Variants in LTA4H observed in about 807,000 individuals in gnomAD.
LTA4H encodes leukotriene A4 hydrolase.
LTA4H carries 59 observed loss-of-function variants against 89.8 expected under a neutral mutation model. The observed-to-expected ratio is 0.66, with a 90% CI of 0.53 to 0.82. LTA4H has a LOEUF of 0.82. Ranked by LOEUF, LTA4H falls within the 40% of genes least tolerant of loss-of-function variation. The probability of loss-of-function intolerance (pLI) is 0.00; values close to 1 mark genes in which losing one functional copy is unlikely to be tolerated. For synonymous variants in LTA4H, 227 were observed against 253.1 expected (o/e 0.90, Z 0.98); for missense variants, 617 against 727.0 (o/e 0.85, Z 1.74).
At chr12:96,019,922 A>G (rs1486586115) in intron 6 of LTA4H, among the ~76,000 whole-genome samples, 1 of 143,110 alleles carries the variant, frequency 7.0e-6, no homozygotes, top group East Asian at 2.0e-4. Context: ...TTTTTTTTAA[A>G]TATACAGGGT....
chr12:96,013,868 G>T lies in LTA4H; in HGVS notation c.1205-15C>A. ...TAGGAAAATCTCTAAGAGTAAAAAAGAAAAGAAATCAATTCATAGAAAGGT... is the reference window on the plus strand; with the variant it reads ...TAGGAAAATCTCTAAGAGTAAAAAATAAAAGAAATCAATTCATAGAAAGGT... On this transcript the variant is annotated splice_polypyrimidine_tract_variant and intron_variant, in intron 12 of 18. Coordinates refer to ENST00000228740, the MANE Select transcript of LTA4H (RefSeq NM_000895.3). The T allele has an allele frequency of 8.7e-7, 1 of 1,145,756 alleles. No homozygotes were observed. Among genetic ancestry groups the T allele is most frequent in the Non-Finnish European group, 1.3e-6 (1 of 777,818 alleles). The allele number at this position is 1,145,756 out of a possible 1,614,324, so 71.0% of individuals were successfully genotyped here. A position where few individuals can be genotyped will look rare whatever the true frequency, so the allele number is the denominator to read the frequency against.
At chr12:96,040,152 G>T (rs1950677532), upstream of LTA4H, among the ~76,000 whole-genome samples, 1 of 152,202 alleles carries the variant, frequency 6.6e-6, no homozygotes, top group African/African-American at 2.4e-5. Context: ...GGGAGTGGGA[G>T]GTGGGCAGAT....
At chr12:96,004,105 G>A (rs1265096098) in intron 16 of LTA4H, 185 bp from the exon 17 acceptor site, 2 of 376,000 alleles carry the variant, frequency 5.3e-6, no homozygotes, top group Non-Finnish European at 9.5e-6. Context: ...TTCCAGATGA[G>A]GATATTCTAC....
chr12:96,015,730 A>T, intron 10 of LTA4H, 36 bp from the exon 11 acceptor site: 1 of 1,254,746 alleles, frequency 8.0e-7, no homozygotes, highest in Non-Finnish European at 1.2e-6. Flanking sequence ...ACACGGACAC[A>T]GCTGAGAAGA....
In LTA4H at chr12:96,018,835, C is replaced by T. The variant is rs1316979963; in HGVS notation, c.780G>A (p.Leu260=). Residue 260 remains leucine (L), a synonymous_variant, in exon 8 of 19, where the codon TTG becomes TTA. Coordinates refer to ENST00000228740, the MANE Select transcript of LTA4H (RefSeq NM_000895.3). ...CATAAGGGAAGGATGGTGGCAGGAC[C>T]AATAGGTCATACTGTCCCCATACAT... ...GPYVWGQYDL[L]VLPPSFPYGG... 1 of 1,604,504 alleles carries T rather than the reference C, an allele frequency of 6.2e-7. No individual in the cohort carries two copies. The highest frequency in any genetic ancestry group is 8.5e-7 in the Non-Finnish European group (1 of 1,176,894).
At chr12:96,009,062 A>C (rs1266005894) in intron 15 of LTA4H, 32 bp downstream of exon 15, 1 of 1,515,368 alleles carries the variant, frequency 6.6e-7, no homozygotes, top group African/African-American at 1.4e-5. Flanking sequence ...CACAATTCAA[A>C]AAGGAATCAA....
At chr12:96,003,801 C>G in intron 17 of LTA4H, 37 bp downstream of exon 17, 1 of 1,455,800 alleles carries the variant, frequency 6.9e-7, no homozygotes, top group Middle Eastern at 1.7e-4. Context: ...GTTTAGTTTT[C>G]TGCTTTCTTC....
intron 5 of LTA4H, among the ~76,000 whole-genome samples, chr12:96,021,413 A>T (rs1386395161): frequency 2.0e-5 from 3 of 152,218 alleles, no homozygotes; most frequent in Non-Finnish European, 4.4e-5. Flanking sequence ...ACATACTATT[A>T]AAAGGTGCAT....
intron 1 of LTA4H, among the ~76,000 whole-genome samples, chr12:96,034,827 G>A (rs1029922423): frequency 1.2e-4 from 19 of 152,214 alleles, no homozygotes; most frequent in African/African-American, 4.6e-4. Flanking sequence ...GGAGGCAACC[G>A]TGGGATCAGG....
intron 8 of LTA4H, 73 bp downstream of exon 8, chr12:96,018,690 T>C: frequency 9.0e-7 from 1 of 1,106,150 alleles, no homozygotes; most frequent in Non-Finnish European, 1.2e-6. Context: ...TATATACATA[T>C]TATTAGGACT....
rs142592637 is a variant in LTA4H at position 96,013,885 on chromosome 12, T to C, written c.1205-32A>G. 4.7e-5 allele frequency: 45 copies of C among 967,534 alleles called. No individual in the cohort carries two copies. The African/African-American group carries it at 6.6e-4, about 14-fold the overall frequency. 59.9% of individuals were successfully genotyped at this position (967,534 alleles called of 1,614,324 possible). A position where few individuals can be genotyped will look rare whatever the true frequency, so the allele number is the denominator to read the frequency against. On this transcript the variant is annotated intron_variant, in intron 12 of 18. Transcript: ENST00000228740. ...GTAAAAAAGAAAAGAAATCAATTCA[T>C]AGAAAGGTAATTATTTGACATTTTG...
At chr12:96,009,832 T>C (rs6538697) in intron 14 of LTA4H, 19,474 of 152,234 alleles carry the variant, frequency 0.13, 1,551 homozygotes, top group East Asian at 0.29. Flanking sequence ...TTGCTTGTAC[T>C]GAAATGCTTG....
rs1189084338 is a variant in LTA4H, at chr12:96,001,086, T to G, written c.1739A>C (p.Lys580Thr). The change falls in exon 19 of 19, where the codon AAA becomes ACA. Residue 580 changes from lysine to threonine, a missense_variant. Coordinates refer to ENST00000228740, the MANE Select transcript of LTA4H (RefSeq NM_000895.3). ...GGTTCGGACAGCTTGATCATGGGAT[T>G]TGTCAAAGGCAGCAAGATCCCTGCC... Reference protein sequence around the residue: ...PLFKDLAAFDKSHDQAVRTYQ... With the variant: ...PLFKDLAAFDTSHDQAVRTYQ... The G allele has an allele frequency of 6.2e-7, 1 of 1,613,476 alleles. No homozygotes were observed. Among genetic ancestry groups the G allele is most frequent in the East Asian group, 2.2e-5 (1 of 44,860 alleles).
Position 96,013,763 on chromosome 12 carries a change from T to C in LTA4H, c.1295A>G (p.Tyr432Cys). Residue 432 changes from tyrosine (Y) to cysteine (C), a missense_variant, in exon 13 of 19, where the codon TAT becomes TGT. By Grantham distance (194) the Tyr-to-Cys change is radical (BLOSUM62 -2). Around this residue, in one of 3 missense-constraint regions of LTA4H, gnomAD observed 290 missense variants for 339.1 expected, o/e 0.86. Coordinates refer to ENST00000228740, the MANE Select transcript of LTA4H (RefSeq NM_000895.3). ...TDDWKDFLYS[Y>C]FKDKVDVLNQ... ...TTTAAATCCAACCTTATCTTTAAAA[T>C]AGGAATACAGGAAATCCTTCCAGTC... 6.5e-7 allele frequency: 1 copy of C among 1,544,536 alleles called. No homozygotes were observed. Among genetic ancestry groups the C allele is most frequent in the Non-Finnish European group, 8.9e-7 (1 of 1,128,002 alleles).
rs1428861036 is a variant in LTA4H at position 96,021,080 on chromosome 12, C to T, written c.638+5G>A. 1.3e-6 allele frequency: 2 copies of T among 1,599,620 alleles called. No homozygotes were observed. The highest frequency in any genetic ancestry group is 1.7e-6 in the Non-Finnish European group (2 of 1,175,674). Reference sequence around the variant, plus strand: ...ACAAACCTGAAAATTTTTCCAAAAGCTCACCTGCTTTCTAAAGCTCCAACA... The same window carrying T: ...ACAAACCTGAAAATTTTTCCAAAAGTTCACCTGCTTTCTAAAGCTCCAACA... On this transcript the variant is annotated splice_donor_5th_base_variant and intron_variant, in intron 6 of 18. Coordinates refer to ENST00000228740, the MANE Select transcript of LTA4H (RefSeq NM_000895.3).
At chr12:96,039,756 G>T (rs563400574), upstream of LTA4H, among the ~76,000 whole-genome samples, 13 of 152,334 alleles carry the variant, frequency 8.5e-5, no homozygotes, top group African/African-American at 3.1e-4. Flanking sequence ...TTGCACAAAT[G>T]CTTCCCTTAA....
rs947850246 is a variant in LTA4H, at chr12:96,015,176, C to T, written c.1060-177G>A. On this transcript the variant is annotated intron_variant, in intron 11 of 18. Transcript: ENST00000228740. ...CTTCTGGAAGTCTATTAATAGAATG[C>T]TTACTTAAGTAATATTCTCTGTTGT... 3 of 527,240 alleles carry T rather than the reference C, an allele frequency of 5.7e-6. No homozygotes were observed. The African/African-American group carries it at 5.8e-5, about 10-fold the overall frequency. The allele number at this position is 527,240 out of a possible 1,614,324, so 32.7% of individuals were successfully genotyped here.
At chr12:96,001,233 A>G in intron 18 of LTA4H, 127 bp from the exon 19 acceptor site, 1 of 649,784 alleles carries the variant, frequency 1.5e-6, no homozygotes, top group South Asian at 1.7e-5. Context: ...GAGAAAGAGA[A>G]TAAGAACACA....
chr12:96,020,440 G>T (rs1950440574), intron 6 of LTA4H, among the ~76,000 whole-genome samples: 1 of 152,128 alleles, frequency 6.6e-6, no homozygotes, highest in Admixed American at 6.6e-5. Flanking sequence ...AAATTCATAG[G>T]AACAGAAAAT....
Sources: gnomAD v4.1 joint callset for allele counts (sites outside exome capture counted in the v4.1 genomes callset) on GRCh38, gnomAD v4.1.1 for gene constraint, gnomAD v4.1.1 regional missense constraint, MANE v1.5 for transcripts, NCBI Gene and HGNC (gene_info 2026-07-23, HGNC 2026-07-21) for gene names.